The following AKNA variants were observed in gnomAD, a reference collection of about 807,000 sequenced individuals.
The protein encoded by AKNA is microtubule organization protein AKNA.
AKNA carries 67 observed loss-of-function variants against 138.8 expected under a neutral mutation model. That is an observed-to-expected ratio of 0.48 (90% CI 0.40 to 0.59). The LOEUF is 0.59. AKNA is among the 20% of genes least tolerant of loss of function. The probability of loss-of-function intolerance (pLI) is 0.00; values close to 1 mark genes in which losing one functional copy is unlikely to be tolerated. For synonymous variants in AKNA, 737 were observed against 754.4 expected, an observed-to-expected ratio of 0.98 and a Z score of 0.38; for missense variants, 1,813 against 1,880.4, an observed-to-expected ratio of 0.96 and a Z score of 0.66.
Position 114,381,198 on chromosome 9 carries a change from G to A in AKNA, c.136C>T (p.Leu46Phe), listed in dbSNP as rs369739168. 6 of 1,614,128 alleles carry A rather than the reference G, an allele frequency of 3.7e-6. No individual in the cohort carries two copies. The highest frequency in any genetic ancestry group is 5.1e-6 in the Non-Finnish European group (6 of 1,180,042). ...SSSQSWEEER[L>F]FPNATSPELL... Reference sequence around the variant, plus strand: ...TCGGGGCTGGTGGCATTGGGAAAGAGTCTCTCTTCTTCCCAGCTTTGTGAA... The same window carrying A: ...TCGGGGCTGGTGGCATTGGGAAAGAATCTCTCTTCTTCCCAGCTTTGTGAA... The change falls in exon 2 of 22, where the codon CTC (leucine) becomes TTC (phenylalanine). Residue 46 changes from leucine to phenylalanine, a missense_variant. Physicochemically the swap from Leu to Phe is conservative, Grantham distance 22. Coordinates refer to ENST00000374088, the MANE Select transcript of AKNA (RefSeq NM_001317950.2).
rs144771508 is a variant in AKNA, at chr9:114,341,568, G to T, written c.4032C>A (p.Ser1344=). Reference sequence around the variant, plus strand: ...GTGGATAAGGCATGATGGGAACCGAGGAGATGTAGGCAAAGGCTGGAGGGG... The same window carrying T: ...GTGGATAAGGCATGATGGGAACCGATGAGATGTAGGCAAAGGCTGGAGGGG... ...APAPPAFAYI[S]SVPIMPYPPA... is the part of the protein sequence containing the mutation. Residue 1344 remains serine, a synonymous_variant, in exon 21 of 22, where the codon TCC becomes TCA. Coordinates refer to ENST00000374088, the MANE Select transcript of AKNA (RefSeq NM_001317950.2). 12 of 1,614,012 alleles carry T rather than the reference G, an allele frequency of 7.4e-6. No individual in the cohort carries two copies. The African/African-American group carries it at 1.5e-4, about 20-fold the overall frequency.
At chr9:114,396,007 T>G (rs1189203706), upstream of AKNA, among the ~76,000 whole-genome samples, 2 of 152,122 alleles carry the variant, frequency 1.3e-5, no homozygotes, top group Admixed American at 6.5e-5. Flanking sequence ...ACCTCAGGCT[T>G]TCTATCTGTA....
At chr9:114,352,904 G>A (rs947419431) in intron 14 of AKNA, among the ~76,000 whole-genome samples, 1 of 151,388 alleles carries the variant, frequency 6.6e-6, no homozygotes, top group African/African-American at 2.4e-5. Context: ...CTGGACAACA[G>A]AGCGAGACTC....
At chr9:114,397,351 G>C (rs1255713539), upstream of AKNA, among the ~76,000 whole-genome samples, 1 of 152,198 alleles carries the variant, frequency 6.6e-6, no homozygotes, top group Non-Finnish European at 1.5e-5. Flanking sequence ...TGGAAAAGTC[G>C]TTTGGGAAGT....
At chr9:114,395,032 G>T (rs573081463), upstream of AKNA, among the ~76,000 whole-genome samples, 1 of 152,154 alleles carries the variant, frequency 6.6e-6, no homozygotes, top group Non-Finnish European at 1.5e-5. Flanking sequence ...GGTCTCACTC[G>T]GCAATGGAGC....
In AKNA at chr9:114,381,665, T is replaced by TTTG. The variant is rs1554709127; in HGVS notation, c.-113-220_-113-219insCAA. Among the ~76,000 whole-genome samples the TTTG allele has an allele frequency of 8.8e-4, 121 of 136,968 alleles. 1 individual carries two copies. The highest frequency in any genetic ancestry group is 1.8e-3 in the Admixed American group (25 of 13,584). 89.9% of individuals were successfully genotyped at this position (136,968 alleles called of 152,430 possible). On this transcript the variant is annotated intron_variant, in intron 1 of 21. Coordinates refer to ENST00000374088, the MANE Select transcript of AKNA (RefSeq NM_001317950.2). ...CTCTCTCTCTCCAGGGTTTTTTTTT[T>TTTG]TTTTTTTTTTTTTGAGACACAGTCT...
Position 114,336,215 on chromosome 9 carries a change from A to C in AKNA, c.*839T>G, listed in dbSNP as rs1319718554. The C allele has an allele frequency of 1.3e-5, 2 of 152,686 alleles. No individual in the cohort carries two copies. The highest frequency in any genetic ancestry group is 2.4e-5 in the African/African-American group (1 of 41,462). The allele number at this position is 152,686 out of a possible 1,614,324, so 9.5% of individuals were successfully genotyped here. A position where few individuals can be genotyped will look rare whatever the true frequency, so the allele number is the denominator to read the frequency against. On this transcript the variant is annotated 3_prime_UTR_variant, in exon 22 of 22. Coordinates refer to ENST00000374088, the MANE Select transcript of AKNA (RefSeq NM_001317950.2). ...CCCTCGTAACGAAAATAGATTTTTA[A>C]ATGCCTCAAATATACAAACATCATT...
At chr9:114,350,234 A>G (rs1461149920) in intron 15 of AKNA, among the ~76,000 whole-genome samples, 1 of 152,162 alleles carries the variant, frequency 6.6e-6, no homozygotes, top group African/African-American at 2.4e-5. Context: ...GCTGGACACA[A>G]CTTTGCACGT....
intron 4 of AKNA, among the ~76,000 whole-genome samples, chr9:114,370,186 T>A (rs767534642): frequency 1.3e-5 from 2 of 152,194 alleles, no homozygotes; most frequent in African/African-American, 4.8e-5. Flanking sequence ...AAGTGTGGCA[T>A]GGTCCCCGCC....
upstream of AKNA, among the ~76,000 whole-genome samples, chr9:114,392,102 G>A (rs1249925693): frequency 2.1e-5 from 1 of 47,646 alleles, no homozygotes; most frequent in Admixed American, 2.3e-4. Flanking sequence ...TAAGACGCTT[G>A]TCAAAAAAAA....
At chr9:114,389,493 A>C (rs941807879), upstream of AKNA, among the ~76,000 whole-genome samples, 3 of 152,086 alleles carry the variant, frequency 2.0e-5, no homozygotes, top group Non-Finnish European at 4.4e-5. Flanking sequence ...GCTGGCCCTG[A>C]CCTTTGAGGC....
intron 12 of AKNA, among the ~76,000 whole-genome samples, chr9:114,357,429 C>G (rs1303148227): frequency 6.6e-6 from 1 of 152,246 alleles, no homozygotes; most frequent in Non-Finnish European, 1.5e-5. Context: ...ACAGAGAACA[C>G]AAACAGAGCA....
chr9:114,341,980 C>T, intron 20 of AKNA, 29 bp downstream of exon 20: 5 of 1,588,140 alleles, frequency 3.1e-6, no homozygotes, highest in Non-Finnish European at 4.3e-6. Context: ...GAGGGTCTGG[C>T]TAAGAGAAGA....
intron 20 of AKNA, 121 bp from the exon 21 acceptor site, chr9:114,341,846 T>A: frequency 7.5e-7 from 1 of 1,333,722 alleles, no homozygotes; most frequent in Non-Finnish European, 1.0e-6. Flanking sequence ...CCTGTGAGAC[T>A]CCATGTCGGG....
chr9:114,348,716 G>T (rs376582364), intron 15 of AKNA, among the ~76,000 whole-genome samples: 12 of 152,192 alleles, frequency 7.9e-5, no homozygotes, highest in East Asian at 3.9e-4. Flanking sequence ...TGTGGGCATT[G>T]CTGACACCGC....
At chr9:114,353,953 A>G (rs1831308587) in intron 14 of AKNA, among the ~76,000 whole-genome samples, 1 of 152,230 alleles carries the variant, frequency 6.6e-6, no homozygotes, top group African/African-American at 2.4e-5. Context: ...ATTACTGTAC[A>G]CTGCTGTAGA....
At chr9:114,383,834 G>GAATA (rs2132110398) in intron 1 of AKNA, among the ~76,000 whole-genome samples, 1 of 152,328 alleles carries the variant, frequency 6.6e-6, no homozygotes, top group East Asian at 1.9e-4. Context: ...GAGGTGCAGG[G>GAATA]AATACCATTC....
intron 16 of AKNA, 118 bp from the exon 17 acceptor site, chr9:114,346,902 T>A: frequency 1.2e-6 from 1 of 835,198 alleles, no homozygotes; most frequent in Non-Finnish European, 1.8e-6. Flanking sequence ...GAAGAGAGTA[T>A]AGAAGTCAAA....
At chr9:114,331,008 A>C, downstream of AKNA, 2 of 650,518 alleles carry the variant, frequency 3.1e-6, no homozygotes, top group East Asian at 2.7e-5. Flanking sequence ...TGCTCAGAAA[A>C]AATCCCTAAG....
Sources: gnomAD v4.1 joint callset for allele counts (sites outside exome capture counted in the v4.1 genomes callset) on GRCh38, gnomAD v4.1.1 for gene constraint, MANE v1.5 for transcripts, NCBI Gene and HGNC (gene_info 2026-07-23, HGNC 2026-07-21) for gene names.